Variants in FREM3 observed in about 807,000 individuals in gnomAD.
FREM3 encodes FRAS1 related extracellular matrix 3.
FREM3 carries 105 observed loss-of-function variants against 129.1 expected under a neutral mutation model. The ratio of observed to expected loss-of-function variants is 0.81; its 90% CI spans 0.69 to 0.96. The LOEUF is 0.96. Among genes scored for constraint, FREM3 ranks in the 40% least tolerant of loss-of-function variants. The probability of loss-of-function intolerance (pLI) is 0.00; values close to 1 mark genes in which losing one functional copy is unlikely to be tolerated. For synonymous variants in FREM3, 1,014 were observed against 1,044.9 expected (o/e 0.97, Z 0.57); for missense variants, 2,593 against 2,666.3 (o/e 0.97, Z 0.61).
At position 143,699,011 on chromosome 4, in the gene FREM3, A is replaced by G. The variant is rs756198756; in HGVS notation, c.1665T>C (p.Thr555=). The part of the protein sequence containing the change: ...MVNTNTGLSL[T]EGQVVQISPF... Reference sequence around the variant, plus strand: ...GAGAGATCTGGACCACCTGCCCTTCAGTGAGTGAGAGTCCTGTGTTAGTAT... The same window carrying G: ...GAGAGATCTGGACCACCTGCCCTTCGGTGAGTGAGAGTCCTGTGTTAGTAT... The change falls in exon 1 of 8, where the codon ACT becomes ACC. Residue 555 remains threonine, a synonymous_variant. Coordinates refer to ENST00000329798, the MANE Select transcript of FREM3 (RefSeq NM_001168235.2). The surrounding 1 kb of genome is among the most constrained non-coding windows in gnomAD (Gnocchi z 4.2). 4.6e-6 allele frequency: 7 copies of G among 1,537,282 alleles called. No homozygotes were observed. The highest frequency in any genetic ancestry group is 6.1e-6 in the Non-Finnish European group (7 of 1,146,904).
intron 2 of FREM3, among the ~76,000 whole-genome samples, chr4:143,666,749 A>T (rs1739870048): frequency 6.6e-6 from 1 of 152,124 alleles, no homozygotes; most frequent in Admixed American, 6.6e-5. Context: ...ACTGTTTAAT[A>T]AATAAAGGGT....
In FREM3 at chr4:143,696,936, G is replaced by A. The variant is rs2149864446; in HGVS notation, c.3740C>T (p.Thr1247Ile). 6.5e-7 allele frequency: 1 copy of A among 1,537,572 alleles called. No homozygotes were observed. Among genetic ancestry groups the A allele is most frequent in the Admixed American group, 2.0e-5 (1 of 51,000 alleles). The change falls in exon 1 of 8, where the codon ACA becomes ATA. Residue 1247 changes from threonine (T) to isoleucine (I), a missense_variant. By Grantham distance (89) the Thr-to-Ile change is moderately conservative (BLOSUM62 -1). Coordinates refer to ENST00000329798, the MANE Select transcript of FREM3 (RefSeq NM_001168235.2). ...GAAGCTGTGGATGGGCTGGCTGCCT[G>A]TAGCCAGCTGCTGTATGATTCGTCC... Reference protein sequence around the residue: ...RHGRIIQQLATGSQPIHSFTL... With the variant: ...RHGRIIQQLAIGSQPIHSFTL...
chr4:143,685,620 AT>A (rs2149860553), intron 2 of FREM3, among the ~76,000 whole-genome samples: 1 of 152,358 alleles, frequency 6.6e-6, no homozygotes, highest in Non-Finnish European at 1.5e-5. Flanking sequence ...AACCAAAAAA[AT>A]CAAAGTACAT....
rs1740560355 is a variant in FREM3, at chr4:143,696,002, A to C, written c.4674T>G (p.Leu1558=). ...QKEDSQLITL[L]ELTVEDSDTP... ...TATCACTGTCTTCCACTGTCAACTC[A>C]AGGAGAGTGATCAGTTGGCTATCCT... Residue 1558 remains leucine, a synonymous_variant, in exon 1 of 8, where the codon CTT becomes CTG. Coordinates refer to ENST00000329798, the MANE Select transcript of FREM3 (RefSeq NM_001168235.2). 1.3e-6 allele frequency: 2 copies of C among 1,537,866 alleles called. No homozygotes were observed. The highest frequency in any genetic ancestry group is 4.9e-5 in the East Asian group (2 of 40,922).
At chr4:143,615,588 T>C (rs913045392) in intron 5 of FREM3, among the ~76,000 whole-genome samples, 2 of 152,018 alleles carry the variant, frequency 1.3e-5, no homozygotes, top group Non-Finnish European at 2.9e-5. Context: ...TTCCAGCAGA[T>C]TGGCCAGTCA....
intron 1 of FREM3, 60 bp downstream of exon 1, chr4:143,695,431 T>G: frequency 7.3e-7 from 1 of 1,369,146 alleles, no homozygotes; most frequent in South Asian, 1.5e-5. Flanking sequence ...TACACAAAGC[T>G]GAGAGATCTG....
Position 143,611,431 on chromosome 4 carries a change from T to G in FREM3, c.5876A>C (p.Glu1959Ala). The G allele has an allele frequency of 6.5e-7, 1 of 1,537,220 alleles. No homozygotes were observed. Among genetic ancestry groups the G allele is most frequent in the Non-Finnish European group, 8.7e-7 (1 of 1,146,846 alleles). The change falls in exon 6 of 8, where the codon GAG becomes GCG. Residue 1959 changes from glutamate to alanine, a missense_variant. Glu to Ala is a moderately radical substitution (Grantham distance 107, BLOSUM62 -1). Around this residue, in one of 2 missense-constraint regions of FREM3, gnomAD observed 317 missense variants for 399.0 expected, o/e 0.79. Coordinates refer to ENST00000329798, the MANE Select transcript of FREM3 (RefSeq NM_001168235.2). The stretch of plus-strand genomic sequence containing the variant: ...CAGGACCTGGCAGGTCTTCTGTGTC[T>G]CATTCTTGTCAAAGTGGAGGATGCT... ...HTSILHFDKN[E>A]TQKTCQVLII...
intron 2 of FREM3, among the ~76,000 whole-genome samples, chr4:143,677,994 G>A (rs1426824763): frequency 6.6e-6 from 1 of 152,188 alleles, no homozygotes; most frequent in African/African-American, 2.4e-5. Context: ...ATTCCTCAGG[G>A]ATCTAGAACT....
chr4:143,625,599 A>G (rs961230872), intron 3 of FREM3, among the ~76,000 whole-genome samples: 1 of 152,182 alleles, frequency 6.6e-6, no homozygotes, highest in African/African-American at 2.4e-5. Flanking sequence ...TGGGGAACAT[A>G]AAAAAGAGTG....
chr4:143,693,793 T>A (rs575514144), intron 1 of FREM3, among the ~76,000 whole-genome samples: 1 of 152,326 alleles, frequency 6.6e-6, no homozygotes, highest in South Asian at 2.1e-4. Flanking sequence ...TGTCTTTTGT[T>A]GTTCTTCTTC....
chr4:143,604,116 C>A (rs940214769), intron 6 of FREM3, among the ~76,000 whole-genome samples: 1 of 152,066 alleles, frequency 6.6e-6, no homozygotes, highest in African/African-American at 2.4e-5. Flanking sequence ...AAGAGCCTGG[C>A]ACTTCCTCCC....
intron 2 of FREM3, among the ~76,000 whole-genome samples, chr4:143,644,132 G>T (rs775344979): frequency 2.6e-4 from 40 of 151,986 alleles, no homozygotes; most frequent in Non-Finnish European, 5.2e-4. Context: ...CAGGCTCTTG[G>T]TCTCTGTAAC....
chr4:143,596,584 A>G (rs1204504853), intron 6 of FREM3, among the ~76,000 whole-genome samples: 4 of 152,174 alleles, frequency 2.6e-5, no homozygotes, highest in African/African-American at 9.7e-5. Flanking sequence ...TTGAATTTGA[A>G]TGGCCTGTGG....
intron 2 of FREM3, among the ~76,000 whole-genome samples, chr4:143,637,877 G>A (rs1006301524): frequency 1.3e-5 from 2 of 152,134 alleles, no homozygotes; most frequent in Admixed American, 6.6e-5. Flanking sequence ...GGCAGGTGGT[G>A]GAGGGAGAGG....
chr4:143,662,353 G>T (rs1357990865), intron 2 of FREM3, among the ~76,000 whole-genome samples: 1 of 152,192 alleles, frequency 6.6e-6, no homozygotes, highest in East Asian at 1.9e-4. Flanking sequence ...GTACCCAGTA[G>T]TCATTCAGGA....
chr4:143,591,334 G>T (rs1471276437), intron 6 of FREM3, among the ~76,000 whole-genome samples: 1 of 152,022 alleles, frequency 6.6e-6, no homozygotes, highest in Non-Finnish European at 1.5e-5. Flanking sequence ...GTGATGTTAG[G>T]GTGTGAATTT....
At chr4:143,679,466 TA>T (rs1740211725) in intron 2 of FREM3, among the ~76,000 whole-genome samples, 1 of 152,150 alleles carries the variant, frequency 6.6e-6, no homozygotes, top group South Asian at 2.1e-4. Flanking sequence ...TGATCAAAAG[TA>T]AATAGAAAAT....
chr4:143,625,340 G>C (rs560173932), intron 3 of FREM3, among the ~76,000 whole-genome samples: 1 of 152,180 alleles, frequency 6.6e-6, no homozygotes. Flanking sequence ...CCTGACACCA[G>C]CTATGGTGAA....
Position 143,699,434 on chromosome 4 carries a change from G to A in FREM3, c.1242C>T (p.Ala414=). 6.5e-7 allele frequency: 1 copy of A among 1,537,298 alleles called. No homozygotes were observed. The highest frequency in any genetic ancestry group is 8.7e-7 in the Non-Finnish European group (1 of 1,146,926). Residue 414 remains alanine, a synonymous_variant, in exon 1 of 8, where the codon GCC becomes GCT. Coordinates refer to ENST00000329798, the MANE Select transcript of FREM3 (RefSeq NM_001168235.2). The surrounding 1 kb of genome is among the most constrained non-coding windows in gnomAD (Gnocchi z 4.2). ...LELEVVDGDG[A]ASDPFAFMVT... is the part of the protein sequence containing the mutation. The stretch of plus-strand genomic sequence containing the variant: ...CCATGAAGGCAAAGGGGTCTGAGGC[G>A]GCGCCGTCTCCGTCCACCACCTCCA...
Sources: allele counts gnomAD v4.1 joint callset (sites outside exome capture counted in the v4.1 genomes callset), GRCh38; gene constraint gnomAD v4.1.1; regional missense constraint gnomAD v4.1.1; non-coding constraint Gnocchi (gnomAD v3.1); transcripts MANE v1.5; gene names NCBI Gene and HGNC (gene_info 2026-07-23, HGNC 2026-07-21).